The following EMILIN3 variants were observed in gnomAD, a reference collection of about 807,000 sequenced individuals.
The protein encoded by EMILIN3 is elastin microfibril interfacer 3.
Under a neutral mutation model 42.8 loss-of-function variants are expected in EMILIN3, and 38 were observed. That is an observed-to-expected ratio of 0.89 (90% CI 0.69 to 1.16). The LOEUF is 1.16. EMILIN3 is among the 50% of genes most tolerant of loss of function. The pLI is 0.00. For missense variants in EMILIN3, 924 were observed against 999.5 expected, an observed-to-expected ratio of 0.92 and a Z score of 1.02; for synonymous variants, 430 against 440.5, an observed-to-expected ratio of 0.98 and a Z score of 0.30.
At position 41,366,706 on chromosome 20, in the gene EMILIN3, C is replaced by T. The variant is rs1281259754; in HGVS notation, c.-72G>A. 2 of 941,336 alleles carry T rather than the reference C, an allele frequency of 2.1e-6. No homozygotes were observed. The highest frequency in any genetic ancestry group is 1.8e-5 in the African/African-American group (1 of 55,884). 58.3% of individuals were successfully genotyped at this position (941,336 alleles called of 1,614,324 possible). On this transcript the variant is annotated 5_prime_UTR_variant, in exon 1 of 4. Transcript: ENST00000332312. The surrounding 1 kb of genome is among the most constrained non-coding windows in gnomAD (Gnocchi z 4.2). Reference sequence around the variant, plus strand: ...GGTGTCCGCCTGCAGCGCCGCGCCGCCCCCGCCGCTGGTCGGCCCGGGTCC... The same window carrying T: ...GGTGTCCGCCTGCAGCGCCGCGCCGTCCCCGCCGCTGGTCGGCCCGGGTCC...
intron 1 of EMILIN3, 27 bp from the exon 2 acceptor site, chr20:41,365,184 A>ATATC: frequency 1.9e-6 from 3 of 1,612,108 alleles, no homozygotes; most frequent in Non-Finnish European, 2.5e-6. Context: ...CACCCCTGGA[A>ATATC]TATCTGGCTG....
chr20:41,364,695 C>T (rs905298161), intron 2 of EMILIN3, among the ~76,000 whole-genome samples: 1 of 152,204 alleles, frequency 6.6e-6, no homozygotes, highest in African/African-American at 2.4e-5. Flanking sequence ...GGGCCCTCTG[C>T]TCCCTCCTCT....
At chr20:41,365,688 T>G (rs1334489188) in intron 1 of EMILIN3, among the ~76,000 whole-genome samples, 1 of 152,206 alleles carries the variant, frequency 6.6e-6, no homozygotes, top group African/African-American at 2.4e-5. Context: ...CTCGCTGTGA[T>G]GTACCCAGGC....
rs143410015 is a variant in EMILIN3 at position 41,363,769 on chromosome 20, C to T, written c.383G>A (p.Arg128His). Residue 128 changes from arginine (R) to histidine (H), a missense_variant, in exon 3 of 4, where the codon CGC (arginine) becomes CAC (histidine). By Grantham distance (29) the Arg-to-His change is conservative. Transcript: ENST00000332312. ...WRCCPGFTGK[R>H]CPEHLTDHGA... ...ATGGTCCGTGAGGTGCTCAGGGCAGCGTTTCCCAGTGAAGCCGGGACAGCA... is the reference window on the plus strand; with the variant it reads ...ATGGTCCGTGAGGTGCTCAGGGCAGTGTTTCCCAGTGAAGCCGGGACAGCA... The T allele has an allele frequency of 1.4e-4, 229 of 1,614,030 alleles. No individual in the cohort carries two copies. The highest frequency in any genetic ancestry group is 1.9e-4 in the Non-Finnish European group (220 of 1,180,032).
rs201476427 is a variant in EMILIN3 at position 41,361,243 on chromosome 20, A to G, written c.*25T>C. On this transcript the variant is annotated 3_prime_UTR_variant, in exon 4 of 4. Transcript: ENST00000332312. Reference sequence around the variant, plus strand: ...GATGTTCCCCGAGTTGGTGGGATCTAGGGGTTGGGTCCTGGCCAGCCTGTC... The same window carrying G: ...GATGTTCCCCGAGTTGGTGGGATCTGGGGGTTGGGTCCTGGCCAGCCTGTC... The G allele has an allele frequency of 1.9e-6, 3 of 1,551,768 alleles. No individual in the cohort carries two copies. Among genetic ancestry groups the G allele is most frequent in the African/African-American group, 2.7e-5 (2 of 73,736 alleles).
rs755404600 is a variant in EMILIN3, at chr20:41,361,495, G to A, written c.2074C>T (p.Arg692Trp). 3.9e-5 allele frequency: 63 copies of A among 1,608,176 alleles called. No homozygotes were observed. Among genetic ancestry groups the A allele is most frequent in the Non-Finnish European group, 5.1e-5 (60 of 1,176,786 alleles). Residue 692 changes from arginine to tryptophan, a missense_variant, in exon 4 of 4, where the codon CGG (arginine) becomes TGG (tryptophan). Coordinates refer to ENST00000332312, the MANE Select transcript of EMILIN3 (RefSeq NM_052846.2). ...CACGCACCCTCCACTTGTGCCACCC[G>A]CTGGTCAAAGTGTCCCACTGTGTGC... The part of the protein sequence containing the change: ...LQHTVGHFDQ[R>W]VAQVEGACRR...
Position 41,362,790 on chromosome 20 carries a change from T to C in EMILIN3, c.779A>G (p.Asn260Ser), listed in dbSNP as rs559574991. The change falls in exon 4 of 4, where the codon AAC (asparagine) becomes AGC (serine). Residue 260 changes from asparagine to serine, a missense_variant. Transcript: ENST00000332312. The stretch of plus-strand genomic sequence containing the variant: ...AAGCTGCACCTTGGTCTGAAGAGTG[T>C]TGCTCACCTCTGTCACCTTGCTTAG... ...EILSKVTEVS[N>S]TLQTKVQLLD... 35 of 1,614,178 alleles carry C rather than the reference T, an allele frequency of 2.2e-5. No individual in the cohort carries two copies. The South Asian group carries it at 3.4e-4, about 16-fold the overall frequency.
In EMILIN3 at chr20:41,363,754, A is replaced by T; in HGVS notation, c.398T>A (p.Leu133His). 2 of 1,614,070 alleles carry T rather than the reference A, an allele frequency of 1.2e-6. No individual in the cohort carries two copies. Among genetic ancestry groups the T allele is most frequent in the Non-Finnish European group, 1.7e-6 (2 of 1,179,998 alleles). Residue 133 changes from leucine (L) to histidine (H), a missense_variant, in exon 3 of 4, where the codon CTC (leucine) becomes CAC (histidine). Transcript: ENST00000332312. ...GGGTGAGGCAGCCCCATGGTCCGTG[A>T]GGTGCTCAGGGCAGCGTTTCCCAGT... ...GFTGKRCPEH[L>H]TDHGAASPQL...
rs556310312 is a variant in EMILIN3 at position 41,366,248 on chromosome 20, G to T, written c.167+220C>A. On this transcript the variant is annotated intron_variant, in intron 1 of 3. Coordinates refer to ENST00000332312, the MANE Select transcript of EMILIN3 (RefSeq NM_052846.2). The surrounding 1 kb of genome is among the most constrained non-coding windows in gnomAD (Gnocchi z 4.2). ...CACTGCCAGGATCCCAAGCCGCCGC[G>T]CCAGGCCCCCTCGGTTCCTTTTTCC... Among the ~76,000 whole-genome samples, 1 of 152,074 alleles carries T rather than the reference G, an allele frequency of 6.6e-6. No homozygotes were observed. The highest frequency in any genetic ancestry group is 1.5e-5 in the Non-Finnish European group (1 of 67,970).
At chr20:41,363,103 A>C in intron 3 of EMILIN3, 49 bp from the exon 4 acceptor site, 7 of 1,423,836 alleles carry the variant, frequency 4.9e-6, no homozygotes, top group Non-Finnish European at 6.5e-6. Context: ...TCACCCTCTC[A>C]GCTTGTCACA....
chr20:41,361,719 G>A lies in EMILIN3; in HGVS notation c.1850C>T (p.Thr617Met), dbSNP rs754869098. The A allele has an allele frequency of 2.2e-5, 36 of 1,612,608 alleles. No individual in the cohort carries two copies. Among genetic ancestry groups the A allele is most frequent in the Middle Eastern group, 1.6e-4 (1 of 6,080 alleles). ...CTTGCGTTCCCGCTCATCCAGGGAC[G>A]TGTTGGCAGCCAAGAAGGCATCAGA... ...QYSDAFLAAN[T>M]SLDERERKVE... The change falls in exon 4 of 4, where the codon ACG becomes ATG. Residue 617 changes from threonine to methionine, a missense_variant. Thr to Met is a moderately conservative substitution (Grantham distance 81). Transcript: ENST00000332312.
Position 41,362,278 on chromosome 20 carries a change from C to T in EMILIN3, c.1291G>A (p.Gly431Ser), listed in dbSNP as rs150844169. 4.4e-5 allele frequency: 71 copies of T among 1,613,818 alleles called. No homozygotes were observed. The highest frequency in any genetic ancestry group is 5.8e-5 in the Non-Finnish European group (69 of 1,179,996). The change falls in exon 4 of 4, where the codon GGT (glycine) becomes AGT (serine). Residue 431 changes from glycine to serine, a missense_variant. Transcript: ENST00000332312. ...TRLSAAMLEG[G>S]VDGLLEGLET... is the part of the protein sequence containing the mutation. Reference sequence around the variant, plus strand: ...AGACCCTCAAGCAGCCCGTCCACACCTCCCTCGAGCATGGCAGCAGAGAGC... The same window carrying T: ...AGACCCTCAAGCAGCCCGTCCACACTTCCCTCGAGCATGGCAGCAGAGAGC...
Position 41,361,640 on chromosome 20 carries a change from C to A in EMILIN3, c.1929G>T (p.Arg643Ser). 1 of 1,607,820 alleles carries A rather than the reference C, an allele frequency of 6.2e-7. No homozygotes were observed. Among genetic ancestry groups the A allele is most frequent in the Non-Finnish European group, 8.5e-7 (1 of 1,177,468 alleles). The change falls in exon 4 of 4, where the codon AGG (arginine) becomes AGT (serine). Residue 643 changes from arginine (R) to serine (S), a missense_variant. Coordinates refer to ENST00000332312, the MANE Select transcript of EMILIN3 (RefSeq NM_052846.2). Reference protein sequence around the residue: ...IQEQVSSQGSRLQAGHRQVLN... With the variant: ...IQEQVSSQGSSLQAGHRQVLN... The stretch of plus-strand genomic sequence containing the variant: ...GGACCTGCCTGTGGCCAGCCTGAAG[C>A]CTGGAGCCTTGGCTGCTGACCTGCT...
At position 41,362,734 on chromosome 20, in the gene EMILIN3, GGCCAAGT is replaced by G. The variant is rs1469112694; in HGVS notation, c.828_834del (p.Leu277MetfsTer98). On this transcript the variant is annotated frameshift_variant, in exon 4 of 4. Coordinates refer to ENST00000332312, the MANE Select transcript of EMILIN3 (RefSeq NM_052846.2). LOFTEE classifies it high-confidence loss of function. ...CGCAGCCGCTGCAGGTGGGCCTCAT[GGCCAAGT>G]GCCAGCCCATGCACCTTGTCTAGAA... 9.9e-6 allele frequency: 16 copies of G among 1,614,146 alleles called. No homozygotes were observed. The highest frequency in any genetic ancestry group is 1.4e-5 in the Non-Finnish European group (16 of 1,180,034).
chr20:41,365,060 C>G lies in EMILIN3; in HGVS notation c.265G>C (p.Gly89Arg), dbSNP rs375832685. The G allele has an allele frequency of 6.2e-7, 1 of 1,613,454 alleles. No individual in the cohort carries two copies. Among genetic ancestry groups the G allele is most frequent in the Non-Finnish European group, 8.5e-7 (1 of 1,179,782 alleles). ...VKAEYRQCRW[G>R]PKCPGTVTYR... ...GTGACTGTCCCGGGGCACTTGGGCC[C>G]CCATCTACACTGCCGGTATTCAGCC... The change falls in exon 2 of 4, where the codon GGG becomes CGG. Residue 89 changes from glycine to arginine, a missense_variant. Gly to Arg is a moderately radical substitution (Grantham distance 125, BLOSUM62 -2). Coordinates refer to ENST00000332312, the MANE Select transcript of EMILIN3 (RefSeq NM_052846.2).
Position 41,362,696 on chromosome 20 carries a change from T to G in EMILIN3, c.873A>C (p.Pro291=). 1 of 1,613,554 alleles carries G rather than the reference T, an allele frequency of 6.2e-7. No individual in the cohort carries two copies. Among genetic ancestry groups the G allele is most frequent in the Non-Finnish European group, 8.5e-7 (1 of 1,180,006 alleles). Residue 291 remains proline, a synonymous_variant, in exon 4 of 4, where the codon CCA becomes CCC. Coordinates refer to ENST00000332312, the MANE Select transcript of EMILIN3 (RefSeq NM_052846.2). ...GCAGGGCCAGGGAGGTGAGCGGGGATGGTGGGGCTTCCCGCAGCCGCTGCA... is the reference window on the plus strand; with the variant it reads ...GCAGGGCCAGGGAGGTGAGCGGGGAGGGTGGGGCTTCCCGCAGCCGCTGCA... ...AHLQRLREAP[P]SPLTSLALLE...
In EMILIN3 at chr20:41,365,039, C is replaced by T. The variant is rs1196398891; in HGVS notation, c.286G>A (p.Val96Ile). The T allele has an allele frequency of 6.2e-7, 1 of 1,613,310 alleles. No individual in the cohort carries two copies. The highest frequency in any genetic ancestry group is 8.5e-7 in the Non-Finnish European group (1 of 1,179,744). ...CRWGPKCPGT[V>I]TYRTVLRPKY... is the part of the protein sequence containing the mutation. ...GTAGGTGAGGAGTGCACTTACGTGA[C>T]TGTCCCGGGGCACTTGGGCCCCCAT... Residue 96 changes from valine to isoleucine, a missense_variant, in exon 2 of 4, where the codon GTC (valine) becomes ATC (isoleucine). Val to Ile is a conservative substitution (Grantham distance 29). Coordinates refer to ENST00000332312, the MANE Select transcript of EMILIN3 (RefSeq NM_052846.2).
At chr20:41,363,128 A>C in intron 3 of EMILIN3, 74 bp from the exon 4 acceptor site, 2 of 1,294,480 alleles carry the variant, frequency 1.5e-6, no homozygotes, top group Non-Finnish European at 2.1e-6. Context: ...CAGGCCACCC[A>C]AGAGACTTTC....
At position 41,360,957 on chromosome 20, in the gene EMILIN3, A is replaced by G. The variant is rs763500927; in HGVS notation, c.*311T>C. The G allele has an allele frequency of 2.2e-5, 9 of 416,484 alleles. No individual in the cohort carries two copies. Among genetic ancestry groups the G allele is most frequent in the Non-Finnish European group, 3.5e-5 (8 of 230,948 alleles). 25.8% of individuals were successfully genotyped at this position (416,484 alleles called of 1,614,324 possible). A position where few individuals can be genotyped will look rare whatever the true frequency, so the allele number is the denominator to read the frequency against. Reference sequence around the variant, plus strand: ...GCCACAGCAGCTGCCCCTGCCAGCCATGCTCAGGCCCTGCAGCTGGCTGTC... The same window carrying G: ...GCCACAGCAGCTGCCCCTGCCAGCCGTGCTCAGGCCCTGCAGCTGGCTGTC... On this transcript the variant is annotated 3_prime_UTR_variant, in exon 4 of 4. Coordinates refer to ENST00000332312, the MANE Select transcript of EMILIN3 (RefSeq NM_052846.2).
Sources: allele counts gnomAD v4.1 joint callset (sites outside exome capture counted in the v4.1 genomes callset), GRCh38; gene constraint gnomAD v4.1.1; non-coding constraint Gnocchi (gnomAD v3.1); transcripts MANE v1.5; gene names NCBI Gene and HGNC (gene_info 2026-07-23, HGNC 2026-07-21).